DDX18: variants seen among roughly 807,000 people sequenced by gnomAD.
DDX18 encodes the protein ATP-dependent RNA helicase DDX18.
Under a neutral mutation model 73.5 loss-of-function variants are expected in DDX18, and 23 were observed. The ratio of observed to expected loss-of-function variants is 0.31; its 90% CI spans 0.23 to 0.44. DDX18 has a LOEUF of 0.44. Among genes scored for constraint, DDX18 ranks in the 20% least tolerant of loss-of-function variants. DDX18 has a pLI of 1.00. For synonymous variants in DDX18, 268 were observed against 282.7 expected (o/e 0.95, Z 0.52); for missense variants, 753 against 792.9 (o/e 0.95, Z 0.60).
chr2:117,830,646 A>G lies in DDX18; in HGVS notation c.1935A>G (p.Lys645=), dbSNP rs1481486822. The part of the protein sequence containing the change: ...RGGGGGFGYQ[K]TKKVEKSKIF... Reference sequence around the variant, plus strand: ...GTGGTGGTGGATTTGGCTACCAGAAAACCAAGAAAGTTGAGAAATCCAAAA... The same window carrying G: ...GTGGTGGTGGATTTGGCTACCAGAAGACCAAGAAAGTTGAGAAATCCAAAA... The change falls in exon 14 of 14, where the codon AAA becomes AAG. Residue 645 remains lysine, a synonymous_variant. Coordinates refer to ENST00000263239, the MANE Select transcript of DDX18 (RefSeq NM_006773.4). The G allele has an allele frequency of 6.2e-7, 1 of 1,613,778 alleles. No individual in the cohort carries two copies. Among genetic ancestry groups the G allele is most frequent in the Non-Finnish European group, 8.5e-7 (1 of 1,179,846 alleles).
In DDX18 at chr2:117,825,032, A is replaced by G. The variant is rs1679901707; in HGVS notation, c.1299A>G (p.Ser433=). Residue 433 remains serine (S), a synonymous_variant, in exon 9 of 14, where the codon TCA becomes TCG. Transcript: ENST00000263239. Reference sequence around the variant, plus strand: ...AGAAGAAGCTTATGGTCTTCTTTTCATCTTGTATGTCTGTGAAATACCACT... The same window carrying G: ...AGAAGAAGCTTATGGTCTTCTTTTCGTCTTGTATGTCTGTGAAATACCACT... ...NRKKKLMVFF[S]SCMSVKYHYE... is the part of the protein sequence containing the mutation. 6.2e-7 allele frequency: 1 copy of G among 1,614,026 alleles called. No homozygotes were observed. The highest frequency in any genetic ancestry group is 8.5e-7 in the Non-Finnish European group (1 of 1,179,972).
intron 11 of DDX18, chr2:117,828,355 C>T (rs974800210): frequency 6.6e-6 from 1 of 152,206 alleles, no homozygotes; most frequent in Non-Finnish European, 1.5e-5. Flanking sequence ...TGACAAAGGG[C>T]TAATATCCAG....
At chr2:117,819,913 A>C (rs771291687) in intron 3 of DDX18, 121 bp downstream of exon 3, 59 of 973,272 alleles carry the variant, frequency 6.1e-5, no homozygotes, top group Non-Finnish European at 7.9e-5. Flanking sequence ...TATCAACAAG[A>C]AACTTTTTTT....
chr2:117,820,087 T>C (rs927458150), intron 3 of DDX18, among the ~76,000 whole-genome samples: 4 of 152,244 alleles, frequency 2.6e-5, no homozygotes, highest in Non-Finnish European at 5.9e-5. Context: ...TCTCATTCTA[T>C]GTTGTAATAG....
chr2:117,829,580 A>G, intron 13 of DDX18, 114 bp downstream of exon 13: 5 of 1,009,092 alleles, frequency 5.0e-6, no homozygotes, highest in Non-Finnish European at 7.4e-6. Flanking sequence ...TGGAGGCTCC[A>G]GTGTTCACCC....
intron 4 of DDX18, 71 bp downstream of exon 4, chr2:117,821,367 G>C: frequency 6.6e-7 from 1 of 1,514,018 alleles, no homozygotes; most frequent in South Asian, 1.3e-5. Context: ...GAACATACCA[G>C]TATATTCTGT....
At position 117,814,817 on chromosome 2, in the gene DDX18, G is replaced by A. The variant is rs1254497817; in HGVS notation, c.40G>A (p.Glu14Lys). 2 of 1,614,224 alleles carry A rather than the reference G, an allele frequency of 1.2e-6. No homozygotes were observed. Among genetic ancestry groups the A allele is most frequent in the Non-Finnish European group, 1.7e-6 (2 of 1,180,046 alleles). ...LPMKLLRKKI[E>K]KRNLKLRQRN... ...GATGAAACTCCTGCGTAAGAAGATC[G>A]AGAAGCGGAACCTCAAATTGCGGCA... The change falls in exon 1 of 14, where the codon GAG becomes AAG. Residue 14 changes from glutamate (E) to lysine (K), a missense_variant. Transcript: ENST00000263239.
chr2:117,824,579 G>A lies in DDX18; in HGVS notation c.1077G>A (p.Gln359=). ...ATGTATCTGTTTCAGCACGTAGACA[G>A]ACTATGCTCTTTTCTGCCACCCAAA... ...QIIKLLPTRR[Q]TMLFSATQTR... The change falls in exon 8 of 14, where the codon CAG becomes CAA. Residue 359 remains glutamine, a synonymous_variant. Transcript: ENST00000263239. 1 of 1,463,020 alleles carries A rather than the reference G, an allele frequency of 6.8e-7. No homozygotes were observed. Among genetic ancestry groups the A allele is most frequent in the Non-Finnish European group, 9.0e-7 (1 of 1,107,150 alleles). The allele number at this position is 1,463,020 out of a possible 1,614,324, so 90.6% of individuals were successfully genotyped here.
At chr2:117,826,490 C>T (rs1679930445) in intron 11 of DDX18, 108 bp downstream of exon 11, 5 of 1,003,044 alleles carry the variant, frequency 5.0e-6, no homozygotes, top group Non-Finnish European at 7.5e-6. Flanking sequence ...GCTGTTACAA[C>T]CATTCTTATG....
At chr2:117,821,366 A>G (rs1679844488) in intron 4 of DDX18, 70 bp downstream of exon 4, 2 of 1,502,210 alleles carry the variant, frequency 1.3e-6, no homozygotes, top group Non-Finnish European at 1.8e-6. Flanking sequence ...AGAACATACC[A>G]GTATATTCTG....
chr2:117,824,518 T>C, intron 7 of DDX18, 51 bp from the exon 8 acceptor site: 1 of 1,327,446 alleles, frequency 7.5e-7, no homozygotes, highest in Non-Finnish European at 9.7e-7. Context: ...GTGAGGCAAT[T>C]GTAAAGATTC....
At position 117,821,937 on chromosome 2, in the gene DDX18, C is replaced by G; in HGVS notation, c.827C>G (p.Thr276Ser). ...TTTGGTGTTCTTAAGGAGCTGATGA[C>G]TCACCACGTGCATACCTATGGCTTG... ...QTFGVLKELM[T>S]HHVHTYGLIM... The change falls in exon 6 of 14, where the codon ACT becomes AGT. Residue 276 changes from threonine (T) to serine (S), a missense_variant. Coordinates refer to ENST00000263239, the MANE Select transcript of DDX18 (RefSeq NM_006773.4). 1 of 1,614,046 alleles carries G rather than the reference C, an allele frequency of 6.2e-7. No homozygotes were observed. The highest frequency in any genetic ancestry group is 1.3e-5 in the African/African-American group (1 of 74,998).
At chr2:117,830,330 T>C (rs1679999922) in intron 13 of DDX18, among the ~76,000 whole-genome samples, 1 of 152,214 alleles carries the variant, frequency 6.6e-6, no homozygotes, top group Admixed American at 6.5e-5. Context: ...AATTTCATCG[T>C]GTGGAAGAAA....
intron 2 of DDX18, among the ~76,000 whole-genome samples, chr2:117,818,988 G>A (rs1478497471): frequency 6.6e-6 from 1 of 152,236 alleles, no homozygotes. Flanking sequence ...GCTACAGAGA[G>A]TCCTGGGTTG....
chr2:117,814,717 C>A lies in DDX18; in HGVS notation c.-61C>A. 6.5e-7 allele frequency: 1 copy of A among 1,542,694 alleles called. No individual in the cohort carries two copies. Among genetic ancestry groups the A allele is most frequent in the African/African-American group, 1.4e-5 (1 of 73,212 alleles). On this transcript the variant is annotated 5_prime_UTR_variant, in exon 1 of 14. Transcript: ENST00000263239. ...CGTGCGGCCGGAAGGGAAGTAACGTCAGCCTGAGAACTGAGTAGCTGTACT... is the reference window on the plus strand; with the variant it reads ...CGTGCGGCCGGAAGGGAAGTAACGTAAGCCTGAGAACTGAGTAGCTGTACT...
intron 11 of DDX18, chr2:117,826,688 C>T (rs1679933199): frequency 9.0e-6 from 3 of 333,830 alleles, no homozygotes; most frequent in Non-Finnish European, 1.7e-5. Flanking sequence ...CACACCTAGT[C>T]ATCTCTGCTT....
chr2:117,824,886 A>T, intron 8 of DDX18, 54 bp from the exon 9 acceptor site: 2 of 1,546,886 alleles, frequency 1.3e-6, no homozygotes, highest in Non-Finnish European at 1.7e-6. Context: ...CAAGTTAGGA[A>T]ATGGAAAATG....
Position 117,821,158 on chromosome 2 carries a change from T to C in DDX18, c.515-3T>C, listed in dbSNP as rs200433046. 1.3e-4 allele frequency: 208 copies of C among 1,567,332 alleles called. No homozygotes were observed. The highest frequency in any genetic ancestry group is 6.9e-5 in the Non-Finnish European group (80 of 1,160,616). On this transcript the variant is annotated splice_region_variant and splice_polypyrimidine_tract_variant and intron_variant, in intron 3 of 13. Transcript: ENST00000263239. ...TGCTAATGATAAATTGTCTTCTGTTTAGGAGCTTTTGAGGATACTTCGTTT... is the reference window on the plus strand; with the variant it reads ...TGCTAATGATAAATTGTCTTCTGTTCAGGAGCTTTTGAGGATACTTCGTTT...
intron 2 of DDX18, 83 bp downstream of exon 2, chr2:117,817,811 A>G: frequency 1.4e-6 from 2 of 1,416,896 alleles, no homozygotes; most frequent in South Asian, 2.8e-5. Context: ...TATTGTGTGC[A>G]CATGACATGA....
Sources: allele counts gnomAD v4.1 joint callset (sites outside exome capture counted in the v4.1 genomes callset), GRCh38; gene constraint gnomAD v4.1.1; transcripts MANE v1.5; gene names NCBI Gene and HGNC (gene_info 2026-07-23, HGNC 2026-07-21).